BIRC6: variants seen among roughly 807,000 people sequenced by gnomAD.
BIRC6 encodes the protein baculoviral IAP repeat containing 6, also known as dual E2 ubiquitin-conjugating enzyme/E3 ubiquitin-protein ligase BIRC6.
Under a neutral mutation model 503.3 loss-of-function variants are expected in BIRC6, and 98 were observed. That is an observed-to-expected ratio of 0.19 (90% CI 0.17 to 0.23). The LOEUF is 0.23. BIRC6 is among the 10% of genes least tolerant of loss of function. BIRC6 has a pLI of 1.00. For missense variants in BIRC6, 5,360 were observed against 5,806.0 expected, an observed-to-expected ratio of 0.92 and a Z score of 2.50; for synonymous variants, 2,240 against 2,078.7, an observed-to-expected ratio of 1.08 and a Z score of -2.11.
intron 23 of BIRC6, among the ~76,000 whole-genome samples, chr2:32,460,288 T>A (rs1489093087): frequency 9.7e-6 from 1 of 103,068 alleles, no homozygotes; most frequent in Non-Finnish European, 2.0e-5. Context: ...TTTTTTTTTT[T>A]TTTTTTTTTG....
intron 66 of BIRC6, among the ~76,000 whole-genome samples, chr2:32,588,582 T>C (rs1351612852): frequency 1.3e-5 from 2 of 152,178 alleles, no homozygotes; most frequent in Admixed American, 6.6e-5. Flanking sequence ...CTAATATCTT[T>C]AGCTCCTTTG....
chr2:32,549,349 G>C lies in BIRC6; in HGVS notation c.13012G>C (p.Val4338Leu). 3 of 1,479,258 alleles carry C rather than the reference G, an allele frequency of 2.0e-6. No homozygotes were observed. Among genetic ancestry groups the C allele is most frequent in the Non-Finnish European group, 2.7e-6 (3 of 1,092,646 alleles). 91.6% of individuals were successfully genotyped at this position (1,479,258 alleles called of 1,614,324 possible). ...ASYINPVSSA[V>L]NGEAQSSHET... ...TTACATAAATCCCGTCAGTAGTGCGGTAAATGGAGAAGCTCAGTCATCTCA... is the reference window on the plus strand; with the variant it reads ...TTACATAAATCCCGTCAGTAGTGCGCTAAATGGAGAAGCTCAGTCATCTCA... The change falls in exon 65 of 74, where the codon GTA becomes CTA. Residue 4338 changes from valine to leucine, a missense_variant. By Grantham distance (32) the Val-to-Leu change is conservative. Transcript: ENST00000421745.
At chr2:32,505,313 A>G in intron 50 of BIRC6, 108 bp downstream of exon 50, 7 of 890,896 alleles carry the variant, frequency 7.9e-6, no homozygotes, top group South Asian at 1.7e-5. Flanking sequence ...TGATTACCAG[A>G]GAGTGTAACT....
At chr2:32,504,030 GTGTT>G (rs1388485797) in intron 49 of BIRC6, among the ~76,000 whole-genome samples, 8 of 113,560 alleles carry the variant, frequency 7.0e-5, no homozygotes, top group East Asian at 2.6e-4. Flanking sequence ...GGGTGGGGGG[GTGTT>G]TGTGTGTGTG....
chr2:32,575,837 C>G (rs1157405871), intron 66 of BIRC6, among the ~76,000 whole-genome samples: 1 of 152,040 alleles, frequency 6.6e-6, no homozygotes, highest in African/African-American at 2.4e-5. Flanking sequence ...GAAAAAGTAT[C>G]CACCCAAATT....
chr2:32,535,790 G>A (rs943836103), intron 61 of BIRC6, among the ~76,000 whole-genome samples: 1 of 152,182 alleles, frequency 6.6e-6, no homozygotes, highest in African/African-American at 2.4e-5. Flanking sequence ...CTTTATAGCA[G>A]CATGATTTAT....
chr2:32,562,305 A>T (rs2059247638), intron 65 of BIRC6, among the ~76,000 whole-genome samples: 1 of 152,156 alleles, frequency 6.6e-6, no homozygotes, highest in Non-Finnish European at 1.5e-5. Context: ...TTTTATCTAA[A>T]TTGCTGTTGA....
In BIRC6 at chr2:32,422,931, G is replaced by A. The variant is rs191870923; in HGVS notation, c.2873-6215G>A. ...TAAGTTCCTTGGTGCACATATGTAA[G>A]GGGCTCTCTATTTTTTTATTTTTGA... On this transcript the variant is annotated intron_variant, in intron 10 of 73. Coordinates refer to ENST00000421745, the MANE Select transcript of BIRC6 (RefSeq NM_016252.4). Among the ~76,000 whole-genome samples, 22 of 152,090 alleles carry A rather than the reference G, an allele frequency of 1.4e-4. No individual in the cohort carries two copies. The East Asian group carries it at 4.2e-3, about 29-fold the overall frequency.
intron 19 of BIRC6, among the ~76,000 whole-genome samples, chr2:32,442,792 G>A (rs1347120174): frequency 6.6e-6 from 1 of 152,040 alleles, no homozygotes; most frequent in African/African-American, 2.4e-5. Flanking sequence ...TGTTTTCTCT[G>A]TTATGTAACA....
chr2:32,457,659 A>G (rs2047398378), intron 23 of BIRC6, among the ~76,000 whole-genome samples: 1 of 151,942 alleles, frequency 6.6e-6, no homozygotes, highest in Admixed American at 6.6e-5. Context: ...ACTTGGATTT[A>G]CCTCATAATT....
intron 12 of BIRC6, among the ~76,000 whole-genome samples, chr2:32,432,634 C>T (rs1255465403): frequency 6.6e-6 from 1 of 151,624 alleles, no homozygotes; most frequent in East Asian, 1.9e-4. Context: ...GTGGTATGTG[C>T]CTGTGGTCCC....
In BIRC6 at chr2:32,515,077, A is replaced by G; in HGVS notation, c.10656A>G (p.Val3552=). The G allele has an allele frequency of 6.2e-7, 1 of 1,613,980 alleles. No individual in the cohort carries two copies. The highest frequency in any genetic ancestry group is 8.5e-7 in the Non-Finnish European group (1 of 1,179,886). Residue 3552 remains valine, a synonymous_variant, in exon 55 of 74, where the codon GTA becomes GTG. Transcript: ENST00000421745. ...GTCTACTTTGCTCAATGTGTCACGT[A>G]CACCCAAACTATTTTTCTTTGCTCA... The part of the protein sequence containing the change: ...VDSLLCSMCH[V]HPNYFSLLMG...
chr2:32,592,595 CTT>C (rs111294235), intron 66 of BIRC6, among the ~76,000 whole-genome samples: 3 of 143,460 alleles, frequency 2.1e-5, no homozygotes, highest in African/African-American at 2.5e-5. Context: ...GTTAAGGATT[CTT>C]TTTTTTTTTT....
rs931550985 is a variant in BIRC6, at chr2:32,430,889, C to A, written c.3047C>A (p.Pro1016Gln). The stretch of plus-strand genomic sequence containing the variant: ...GGAGTTGATTTATTGGTGGACCAGC[C>A]ATTCACCCTTGAAATCTTGACATCC... ...ISGVDLLVDQ[P>Q]FTLEILTSLV... The change falls in exon 12 of 74, where the codon CCA (proline) becomes CAA (glutamine). Residue 1016 changes from proline (P) to glutamine (Q), a missense_variant. By Grantham distance (76) the Pro-to-Gln change is moderately conservative. This residue lies in a region of BIRC6 where 700 missense variants were observed against 739.3 expected (regional missense o/e 0.95). Transcript: ENST00000421745. 4.3e-6 allele frequency: 7 copies of A among 1,610,832 alleles called. No homozygotes were observed. The highest frequency in any genetic ancestry group is 5.9e-6 in the Non-Finnish European group (7 of 1,178,800).
chr2:32,496,802 C>T (rs766469182), intron 45 of BIRC6, among the ~76,000 whole-genome samples: 8 of 152,094 alleles, frequency 5.3e-5, no homozygotes, highest in Non-Finnish European at 7.4e-5. Context: ...GCTTGTTTGG[C>T]CATATTGTCA....
chr2:32,461,402 C>T (rs2047982096), intron 23 of BIRC6, among the ~76,000 whole-genome samples: 1 of 148,226 alleles, frequency 6.7e-6, no homozygotes, highest in African/African-American at 2.5e-5. Context: ...GACAAGGTCT[C>T]ACCATGTTGA....
chr2:32,575,861 C>T lies in BIRC6; in HGVS notation c.13355+495C>T, dbSNP rs974155898. Among the ~76,000 whole-genome samples, 56 of 152,048 alleles carry T rather than the reference C, an allele frequency of 3.7e-4. 1 individual carries two copies. Among genetic ancestry groups the T allele is most frequent in the Admixed American group, 3.6e-3 (55 of 15,276 alleles). ...TCCACCCAAATTATACACTTAGAAA[C>T]ATTTATTCACAATTGCTTATTCAGT... On this transcript the variant is annotated intron_variant, in intron 66 of 73. Transcript: ENST00000421745.
intron 68 of BIRC6, 93 bp downstream of exon 68, chr2:32,595,237 A>C: frequency 1.3e-6 from 1 of 759,438 alleles, no homozygotes; most frequent in Non-Finnish European, 2.1e-6. Context: ...AAAGATTTTT[A>C]AAATTGCTTG....
At position 32,607,260 on chromosome 2, in the gene BIRC6, T is replaced by G. The variant is rs73922763; in HGVS notation, c.14071-195T>G. Among the ~76,000 whole-genome samples, 997 of 152,292 alleles carry G rather than the reference T, an allele frequency of 6.5e-3. 11 individuals are homozygous for G. Among genetic ancestry groups the G allele is most frequent in the African/African-American group, 0.023 (950 of 41,552 alleles). On this transcript the variant is annotated intron_variant, in intron 71 of 73. Coordinates refer to ENST00000421745, the MANE Select transcript of BIRC6 (RefSeq NM_016252.4). ...AAAACAGATGTGTAAGTATTACTTATGGCTCTATTGTGCCTAATTTTATTT... is the reference window on the plus strand; with the variant it reads ...AAAACAGATGTGTAAGTATTACTTAGGGCTCTATTGTGCCTAATTTTATTT...
Sources: allele counts gnomAD v4.1 joint callset (sites outside exome capture counted in the v4.1 genomes callset), GRCh38; gene constraint gnomAD v4.1.1; regional missense constraint gnomAD v4.1.1; transcripts MANE v1.5; gene names NCBI Gene and HGNC (gene_info 2026-07-23, HGNC 2026-07-21).